The following MAML3 variants were observed in gnomAD, a reference collection of about 807,000 sequenced individuals.
The protein encoded by MAML3 is mastermind like transcriptional coactivator 3.
In MAML3, 27 loss-of-function variants were observed where a neutral mutation model predicts 101.9. The ratio of observed to expected loss-of-function variants is 0.27; its 90% CI spans 0.20 to 0.37. The LOEUF is 0.37. Among genes scored for constraint, MAML3 ranks in the 10% least tolerant of loss-of-function variants. The probability of loss-of-function intolerance (pLI) is 1.00; values close to 1 mark genes in which losing one functional copy is unlikely to be tolerated. For synonymous variants in MAML3, 501 were observed against 555.9 expected (o/e 0.90, Z 1.39); for missense variants, 1,316 against 1,444.9 (o/e 0.91, Z 1.45).
chr4:139,878,768 G>T (rs1029036487), intron 2 of MAML3, among the ~76,000 whole-genome samples: 1 of 152,152 alleles, frequency 6.6e-6, no homozygotes, highest in African/African-American at 2.4e-5. Flanking sequence ...ATCAGAACAC[G>T]GAACACAGGG....
intron 1 of MAML3, among the ~76,000 whole-genome samples, chr4:139,904,024 G>C (rs185243147): frequency 6.6e-6 from 1 of 152,240 alleles, no homozygotes; most frequent in Admixed American, 6.5e-5. Context: ...CCATTCATGG[G>C]GGTGATGTCA....
At chr4:139,869,548 T>G (rs1027470571) in intron 2 of MAML3, among the ~76,000 whole-genome samples, 1 of 152,084 alleles carries the variant, frequency 6.6e-6, no homozygotes, top group African/African-American at 2.4e-5. Context: ...AAGTACTAAT[T>G]CTCAGACATT....
intron 1 of MAML3, among the ~76,000 whole-genome samples, chr4:139,979,237 G>A (rs1734401546): frequency 6.6e-6 from 1 of 152,158 alleles, no homozygotes; most frequent in African/African-American, 2.4e-5. Context: ...AAACATTTTG[G>A]TCTAAGTTGC....
intron 1 of MAML3, among the ~76,000 whole-genome samples, chr4:140,065,301 C>T (rs1436373600): frequency 3.3e-5 from 5 of 150,666 alleles, no homozygotes; most frequent in African/African-American, 9.8e-5. Flanking sequence ...TTTTTTTCCC[C>T]GAGAAAAATT....
At chr4:139,797,758 C>T (rs185293020) in intron 2 of MAML3, among the ~76,000 whole-genome samples, 76 of 152,030 alleles carry the variant, frequency 5.0e-4, no homozygotes, top group African/African-American at 1.8e-3. Context: ...CCCTGCACCC[C>T]CCAAAAAAGA....
At chr4:139,959,498 T>A (rs1733971572) in intron 1 of MAML3, among the ~76,000 whole-genome samples, 1 of 152,176 alleles carries the variant, frequency 6.6e-6, no homozygotes, top group Non-Finnish European at 1.5e-5. Flanking sequence ...GCTTTCAAGG[T>A]GAGATTTCAG....
In MAML3 at chr4:139,759,631, T is replaced by TA. The variant is rs1382734454; in HGVS notation, c.2080-28965dup. 2.6e-5 allele frequency among the ~76,000 whole-genome samples: 4 copies of TA among 152,270 alleles called. No homozygotes were observed. The East Asian group carries it at 7.7e-4, about 29-fold the overall frequency. On this transcript the variant is annotated intron_variant, in intron 2 of 4. Transcript: ENST00000509479. ...TGTTAGAGGCTGTCTCTAGGATTGT[T>TA]AGACAGCCTTGTTTTGTGCTTTCTT... is the stretch of plus-strand genomic sequence containing the variant.
chr4:139,980,996 T>G (rs1734433661), intron 1 of MAML3, among the ~76,000 whole-genome samples: 1 of 152,094 alleles, frequency 6.6e-6, no homozygotes, highest in Non-Finnish European at 1.5e-5. Flanking sequence ...AATGCCAATG[T>G]TGTTTTTAAA....
At chr4:140,150,635 T>C (rs1729142286) in intron 1 of MAML3, among the ~76,000 whole-genome samples, 1 of 151,966 alleles carries the variant, frequency 6.6e-6, no homozygotes, top group South Asian at 2.1e-4. Flanking sequence ...TCCATGCGCG[T>C]GGGGTGTACA....
chr4:139,899,121 T>C (rs1179907659), intron 1 of MAML3, among the ~76,000 whole-genome samples: 1 of 152,202 alleles, frequency 6.6e-6, no homozygotes, highest in Non-Finnish European at 1.5e-5. Flanking sequence ...GCTGTTGGCC[T>C]AGGATTCCCC....
At chr4:140,099,604 T>C (rs996414341) in intron 1 of MAML3, among the ~76,000 whole-genome samples, 3 of 152,186 alleles carry the variant, frequency 2.0e-5, no homozygotes, top group Non-Finnish European at 4.4e-5. Context: ...CTCAATCCTA[T>C]TCACTTCTAG....
intron 2 of MAML3, among the ~76,000 whole-genome samples, chr4:139,817,827 G>A (rs1241164036): frequency 6.6e-6 from 1 of 152,126 alleles, no homozygotes; most frequent in Admixed American, 6.6e-5. Flanking sequence ...CTTTCCTCTG[G>A]CTCTCTGCAC....
At chr4:140,144,222 G>C (rs1040835097) in intron 1 of MAML3, among the ~76,000 whole-genome samples, 1 of 152,024 alleles carries the variant, frequency 6.6e-6, no homozygotes, top group African/African-American at 2.4e-5. Context: ...AAATGTTCCT[G>C]GGGTATGGCC....
chr4:139,988,130 C>G (rs1356007255), intron 1 of MAML3, among the ~76,000 whole-genome samples: 6 of 150,794 alleles, frequency 4.0e-5, no homozygotes, highest in Non-Finnish European at 8.9e-5. Context: ...AGTTCAAGAC[C>G]AGCCTGGCCA....
At chr4:139,788,417 C>T (rs976021340) in intron 2 of MAML3, among the ~76,000 whole-genome samples, 1 of 152,094 alleles carries the variant, frequency 6.6e-6, no homozygotes, top group Non-Finnish European at 1.5e-5. Flanking sequence ...TCTTAGATAC[C>T]AAGAGAAAGA....
At chr4:140,100,370 G>A (rs1196654968) in intron 1 of MAML3, among the ~76,000 whole-genome samples, 1 of 152,192 alleles carries the variant, frequency 6.6e-6, no homozygotes, top group African/African-American at 2.4e-5. Context: ...CTCCATGACA[G>A]AGACCAAATT....
rs75155782 is a variant in MAML3 at position 140,003,265 on chromosome 4, C to T, written c.469-112298G>A. ...GCATTTGGAAGTGACAGCAGCATTG[C>T]TCCTTTGTAAACATGGTTGGGTCTG... On this transcript the variant is annotated intron_variant, in intron 1 of 4. Coordinates refer to ENST00000509479, the MANE Select transcript of MAML3 (RefSeq NM_018717.5). 4.5e-3 allele frequency among the ~76,000 whole-genome samples: 681 copies of T among 152,266 alleles called. 11 individuals carry two copies. The highest frequency in any genetic ancestry group is 0.015 in the African/African-American group (638 of 41,536).
At chr4:139,813,647 A>G (rs1046157225) in intron 2 of MAML3, among the ~76,000 whole-genome samples, 2 of 152,170 alleles carry the variant, frequency 1.3e-5, no homozygotes, top group African/African-American at 4.8e-5. Flanking sequence ...TGATCAGAGA[A>G]TACATTCCAC....
chr4:140,070,527 A>G (rs773994281), intron 1 of MAML3, among the ~76,000 whole-genome samples: 3 of 152,228 alleles, frequency 2.0e-5, no homozygotes, highest in Admixed American at 6.5e-5. Flanking sequence ...AGAACCCACA[A>G]AGAAAAGGCA....
Sources: gnomAD v4.1 joint callset for allele counts (sites outside exome capture counted in the v4.1 genomes callset) on GRCh38, gnomAD v4.1.1 for gene constraint, MANE v1.5 for transcripts, NCBI Gene and HGNC (gene_info 2026-07-23, HGNC 2026-07-21) for gene names.